ATP8B4: variants seen among roughly 807,000 people sequenced by gnomAD.
ATP8B4 encodes probable phospholipid-transporting ATPase IM.
ATP8B4 carries 133 observed loss-of-function variants against 145.6 expected under a neutral mutation model. That is an observed-to-expected ratio of 0.91 (90% CI 0.79 to 1.05). ATP8B4 has a LOEUF of 1.05. Ranked by LOEUF, ATP8B4 falls within the 50% of genes least tolerant of loss-of-function variation. The pLI is 0.00. For synonymous variants in ATP8B4, 507 were observed against 492.9 expected (o/e 1.03, Z -0.38); for missense variants, 1,458 against 1,425.2 (o/e 1.02, Z -0.37).
chr15:50,070,905 G>C (rs987565944), intron 3 of ATP8B4, among the ~76,000 whole-genome samples: 1 of 151,972 alleles, frequency 6.6e-6, no homozygotes, highest in Non-Finnish European at 1.5e-5. Context: ...ACCACACCTG[G>C]CTAATTTTTG....
intron 25 of ATP8B4, among the ~76,000 whole-genome samples, chr15:49,868,743 G>A (rs1015537527): frequency 6.6e-6 from 1 of 152,136 alleles, no homozygotes; most frequent in Non-Finnish European, 1.5e-5. Context: ...GAAGCATAAG[G>A]AAAGGTTTAG....
intron 15 of ATP8B4, among the ~76,000 whole-genome samples, chr15:49,933,079 A>G (rs1295906422): frequency 6.6e-6 from 1 of 152,022 alleles, no homozygotes; most frequent in Non-Finnish European, 1.5e-5. Context: ...TTCTGGAGGA[A>G]CCAACTGGAC....
intron 10 of ATP8B4, among the ~76,000 whole-genome samples, chr15:49,984,757 C>G (rs1381872213): frequency 6.6e-5 from 10 of 151,884 alleles, no homozygotes; most frequent in African/African-American, 2.4e-4. Flanking sequence ...AATAAGCCTC[C>G]TAGGGCAGAA....
intron 8 of ATP8B4, 42 bp from the exon 9 acceptor site, chr15:49,996,801 G>T: frequency 6.7e-7 from 1 of 1,503,328 alleles, no homozygotes; most frequent in Non-Finnish European, 9.2e-7. Flanking sequence ...ATATGGAACA[G>T]CCCAACAGCA....
intron 14 of ATP8B4, among the ~76,000 whole-genome samples, chr15:49,939,731 G>A (rs1387830036): frequency 1.3e-5 from 2 of 152,146 alleles, no homozygotes; most frequent in Non-Finnish European, 2.9e-5. Context: ...GAGCAGGATG[G>A]ACTCTTCTCT....
At chr15:49,959,985 C>T (rs1412580834) in intron 14 of ATP8B4, among the ~76,000 whole-genome samples, 1 of 150,510 alleles carries the variant, frequency 6.6e-6, no homozygotes, top group Non-Finnish European at 1.5e-5. Context: ...GAAAAACAAC[C>T]AGTCTTACCA....
chr15:50,152,918 C>T (rs949456885), intron 1 of ATP8B4, among the ~76,000 whole-genome samples: 1 of 152,104 alleles, frequency 6.6e-6, no homozygotes, highest in Non-Finnish European at 1.5e-5. Context: ...GAAAAACTTC[C>T]TGCATTGTGA....
At chr15:50,145,666 C>T (rs993398551) in intron 1 of ATP8B4, among the ~76,000 whole-genome samples, 1 of 152,102 alleles carries the variant, frequency 6.6e-6, no homozygotes, top group Admixed American at 6.6e-5. Context: ...CTCACCATGT[C>T]TTTTTTTCTT....
rs538487950 is a variant in ATP8B4, at chr15:50,114,208, C to A, written c.-43+4915G>T. 2.7e-5 allele frequency among the ~76,000 whole-genome samples: 4 copies of A among 145,722 alleles called. No individual in the cohort carries two copies. In the East Asian group the frequency reaches 8.4e-4, roughly 31 times the overall value. ...GTGATCTGTGAGATTTTGGTGCACC[C>A]ATCACATGAGTAGTATACACTGCAC... On this transcript the variant is annotated intron_variant, in intron 1 of 27. Coordinates refer to ENST00000284509, the MANE Select transcript of ATP8B4 (RefSeq NM_024837.4).
chr15:50,003,102 T>C (rs977824175), intron 7 of ATP8B4, among the ~76,000 whole-genome samples: 14 of 152,236 alleles, frequency 9.2e-5, no homozygotes, highest in Non-Finnish European at 1.9e-4. Context: ...AACAATTTTC[T>C]AGCTATGTCT....
In ATP8B4 at chr15:49,931,100, T is replaced by C. The variant is rs779184563; in HGVS notation, c.1642+19A>G. Reference sequence around the variant, plus strand: ...AACAGTATGAAAAGATCAAAAATAGTCTTAGCTACCAACCATACCTATGAC... The same window carrying C: ...AACAGTATGAAAAGATCAAAAATAGCCTTAGCTACCAACCATACCTATGAC... On this transcript the variant is annotated intron_variant, in intron 16 of 27. Coordinates refer to ENST00000284509, the MANE Select transcript of ATP8B4 (RefSeq NM_024837.4). The C allele has an allele frequency of 7.5e-6, 12 of 1,591,696 alleles. No individual in the cohort carries two copies. The highest frequency in any genetic ancestry group is 3.4e-4 in the Middle Eastern group (2 of 5,820).
chr15:49,945,332 T>A (rs2042475969), intron 14 of ATP8B4, among the ~76,000 whole-genome samples: 1 of 152,108 alleles, frequency 6.6e-6, no homozygotes, highest in Admixed American at 6.5e-5. Context: ...AGTCTAAGCA[T>A]ACCCATAGCT....
At chr15:49,865,969 G>C (rs1229722061) in intron 26 of ATP8B4, among the ~76,000 whole-genome samples, 1 of 152,226 alleles carries the variant, frequency 6.6e-6, no homozygotes, top group Admixed American at 6.5e-5. Context: ...TTTGGCAGAT[G>C]TTGGTGATAA....
intron 23 of ATP8B4, among the ~76,000 whole-genome samples, chr15:49,881,132 C>A (rs78386078): frequency 0.019 from 2,692 of 139,912 alleles, 97 homozygotes; most frequent in African/African-American, 0.065. Flanking sequence ...AACAAACAAA[C>A]AAAAAAAAGC....
At chr15:50,139,037 G>C (rs12915710) in intron 1 of ATP8B4, among the ~76,000 whole-genome samples, 24,591 of 152,178 alleles carry the variant, frequency 0.16, 2,255 homozygotes, top group Non-Finnish European at 0.21. Flanking sequence ...GGCGATTCCT[G>C]AAGGATCTAG....
intron 16 of ATP8B4, among the ~76,000 whole-genome samples, chr15:49,928,593 A>C (rs1348227957): frequency 1.3e-5 from 2 of 152,096 alleles, no homozygotes; most frequent in Admixed American, 1.3e-4. Context: ...TTTAGAAAGA[A>C]TATCCTGGTG....
chr15:49,999,040 A>T (rs1157772325), intron 8 of ATP8B4, among the ~76,000 whole-genome samples: 3 of 152,128 alleles, frequency 2.0e-5, no homozygotes, highest in Admixed American at 6.6e-5. Context: ...GTCAAATATC[A>T]GATAGTTGTA....
chr15:50,117,425 C>T (rs1029442637), intron 1 of ATP8B4, among the ~76,000 whole-genome samples: 1 of 152,036 alleles, frequency 6.6e-6, no homozygotes, highest in African/African-American at 2.4e-5. Flanking sequence ...AACTCTTTTC[C>T]TACTAAATGA....
intron 20 of ATP8B4, among the ~76,000 whole-genome samples, chr15:49,901,594 G>GGCAT (rs2038040739): frequency 6.6e-6 from 1 of 152,294 alleles, no homozygotes; most frequent in African/African-American, 2.4e-5. Flanking sequence ...CTATCTGGCA[G>GGCAT]GCATGCTGTT....
Sources: gnomAD v4.1 joint callset for allele counts (sites outside exome capture counted in the v4.1 genomes callset) on GRCh38, gnomAD v4.1.1 for gene constraint, MANE v1.5 for transcripts, NCBI Gene and HGNC (gene_info 2026-07-23, HGNC 2026-07-21) for gene names.